LRRC49: variants seen among roughly 807,000 people sequenced by gnomAD.
LRRC49 encodes leucine-rich repeat-containing protein 49.
A neutral mutation model predicts 83.3 loss-of-function variants in LRRC49; 50 were observed. That is an observed-to-expected ratio of 0.60 (90% CI 0.48 to 0.76). The LOEUF is 0.76. LRRC49 is among the 30% of genes least tolerant of loss of function. LRRC49 has a pLI of 0.00. For missense variants in LRRC49, 704 were observed against 809.1 expected, an observed-to-expected ratio of 0.87 and a Z score of 1.58; for synonymous variants, 286 against 283.3, an observed-to-expected ratio of 1.01 and a Z score of -0.10.
At chr15:71,012,498 G>GAAA (rs35778571) in intron 13 of LRRC49, among the ~76,000 whole-genome samples, 1 of 144,562 alleles carries the variant, frequency 6.9e-6, no homozygotes, top group African/African-American at 2.5e-5. Flanking sequence ...TAGGATTTCT[G>GAAA]AAAAAAAAAA....
intron 9 of LRRC49, among the ~76,000 whole-genome samples, chr15:70,969,364 CTTG>C (rs1402698347): frequency 1.3e-5 from 2 of 152,088 alleles, no homozygotes; most frequent in African/African-American, 4.8e-5. Context: ...GTACCAGTAC[CTTG>C]TTGTTTTGGT....
chr15:70,959,754 A>G (rs1345449658), intron 8 of LRRC49, among the ~76,000 whole-genome samples: 1 of 152,202 alleles, frequency 6.6e-6, no homozygotes, highest in Admixed American at 6.5e-5. Flanking sequence ...TAAAGTTTAT[A>G]TGAAAAGGCC....
intron 11 of LRRC49, among the ~76,000 whole-genome samples, chr15:70,990,969 C>G (rs2037857899): frequency 6.6e-6 from 1 of 152,210 alleles, no homozygotes; most frequent in Non-Finnish European, 1.5e-5. Flanking sequence ...TGTGTGTCTT[C>G]CCCATTAGAA....
At chr15:70,965,194 A>G (rs1279239159) in intron 9 of LRRC49, among the ~76,000 whole-genome samples, 4 of 152,164 alleles carry the variant, frequency 2.6e-5, no homozygotes, top group Admixed American at 2.6e-4. Flanking sequence ...GAGTGGGATA[A>G]GATTTAGAGC....
At chr15:70,964,631 G>A (rs921361634) in intron 9 of LRRC49, among the ~76,000 whole-genome samples, 6 of 152,002 alleles carry the variant, frequency 3.9e-5, no homozygotes, top group African/African-American at 1.5e-4. Flanking sequence ...CTCTTTTTAG[G>A]TGTACAATGT....
chr15:71,011,555 T>G (rs2038651408), intron 13 of LRRC49, among the ~76,000 whole-genome samples: 1 of 152,174 alleles, frequency 6.6e-6, no homozygotes, highest in Non-Finnish European at 1.5e-5. Flanking sequence ...TTCCTGTTTG[T>G]TAGGTCCTTG....
At chr15:70,956,514 A>C (rs1217640794) in intron 8 of LRRC49, among the ~76,000 whole-genome samples, 1 of 151,914 alleles carries the variant, frequency 6.6e-6, no homozygotes, top group East Asian at 1.9e-4. Context: ...AAAAAAAAAA[A>C]AAAGGTGGGG....
At chr15:70,994,570 G>A (rs2038014148) in intron 11 of LRRC49, among the ~76,000 whole-genome samples, 1 of 152,076 alleles carries the variant, frequency 6.6e-6, no homozygotes, top group African/African-American at 2.4e-5. Flanking sequence ...CGCCTCCCAG[G>A]CTTGAGCAGT....
chr15:70,886,209 T>C (rs1164356638), intron 2 of LRRC49, among the ~76,000 whole-genome samples: 1 of 152,162 alleles, frequency 6.6e-6, no homozygotes, highest in Non-Finnish European at 1.5e-5. Flanking sequence ...TTAATGCATA[T>C]ATTAGGATAG....
At chr15:70,935,780 TG>T (rs916134735) in intron 7 of LRRC49, among the ~76,000 whole-genome samples, 8 of 152,274 alleles carry the variant, frequency 5.3e-5, no homozygotes, top group African/African-American at 1.7e-4. Flanking sequence ...ATCAGAGCAC[TG>T]GAAGTCAGGA....
intron 11 of LRRC49, among the ~76,000 whole-genome samples, chr15:70,990,161 A>G (rs532976966): frequency 3.3e-5 from 5 of 152,172 alleles, no homozygotes; most frequent in Non-Finnish European, 5.9e-5. Context: ...GCTGTCTTCA[A>G]AGCTGTCAGA....
chr15:70,954,469 G>T (rs1596062832), intron 8 of LRRC49, among the ~76,000 whole-genome samples: 1 of 152,206 alleles, frequency 6.6e-6, no homozygotes, highest in Non-Finnish European at 1.5e-5. Flanking sequence ...CTACTGGGGA[G>T]CTAGTGTGAT....
intron 5 of LRRC49, among the ~76,000 whole-genome samples, 200 bp downstream of exon 5, chr15:70,904,955 G>C (rs919642838): frequency 1.2e-4 from 19 of 152,132 alleles, no homozygotes; most frequent in Non-Finnish European, 2.2e-4. Context: ...ACCAGATAAC[G>C]TTTATTATGT....
chr15:70,960,693 C>G (rs2036574560), intron 8 of LRRC49, among the ~76,000 whole-genome samples: 1 of 152,058 alleles, frequency 6.6e-6, no homozygotes, highest in African/African-American at 2.4e-5. Flanking sequence ...AAAGGATAGT[C>G]TTTTCAGCAA....
chr15:70,873,860 A>G (rs1312871379), intron 2 of LRRC49, among the ~76,000 whole-genome samples: 2 of 152,166 alleles, frequency 1.3e-5, no homozygotes, highest in African/African-American at 4.8e-5. Context: ...GGAGAAATAG[A>G]TTTTACCTCT....
chr15:70,988,668 A>G (rs976936675), intron 11 of LRRC49, among the ~76,000 whole-genome samples: 1 of 151,312 alleles, frequency 6.6e-6, no homozygotes, highest in African/African-American at 2.4e-5. Context: ...TGTGAATTTG[A>G]TCCTGTCATT....
intron 7 of LRRC49, among the ~76,000 whole-genome samples, 161 bp downstream of exon 7, chr15:70,919,354 G>T (rs1428567605): frequency 1.3e-5 from 2 of 152,186 alleles, no homozygotes; most frequent in Admixed American, 1.3e-4. Context: ...TAATATGTTG[G>T]TTTGGGAGGT....
chr15:70,930,838 T>C (rs1567057506), intron 7 of LRRC49, among the ~76,000 whole-genome samples: 1 of 152,250 alleles, frequency 6.6e-6, no homozygotes, highest in Non-Finnish European at 1.5e-5. Flanking sequence ...GCTTTTCTTC[T>C]GCAGCTTCCT....
intron 7 of LRRC49, among the ~76,000 whole-genome samples, chr15:70,921,646 C>T (rs141221310): frequency 2.0e-5 from 3 of 152,336 alleles, no homozygotes; most frequent in Non-Finnish European, 4.4e-5. Context: ...ATCTCTCTTG[C>T]AGTTCTGAGC....
Sources: gnomAD v4.1 joint callset for allele counts (sites outside exome capture counted in the v4.1 genomes callset) on GRCh38, gnomAD v4.1.1 for gene constraint, MANE v1.5 for transcripts, NCBI Gene and HGNC (gene_info 2026-07-23, HGNC 2026-07-21) for gene names.